GLRA2: variants seen among roughly 807,000 people sequenced by gnomAD.
The protein encoded by GLRA2 is glycine receptor alpha 2.
Under a neutral mutation model 31.6 loss-of-function variants are expected in GLRA2, and 11 were observed. The observed-to-expected ratio is 0.35, with a 90% confidence interval of 0.22 to 0.58. The LOEUF (loss-of-function observed/expected upper bound fraction) is 0.58. GLRA2 is among the 20% of genes least tolerant of loss of function. GLRA2 has a pLI of 0.84. For missense variants in GLRA2, 212 were observed against 351.8 expected, an observed-to-expected ratio of 0.60 and a Z score of 3.18; for synonymous variants, 132 against 134.0, an observed-to-expected ratio of 0.99 and a Z score of 0.10.
intron 3 of GLRA2, among the ~76,000 whole-genome samples, chrX:14,580,187 A>G (rs1185653613): frequency 4.5e-5 from 5 of 112,098 alleles, no homozygotes; most frequent in African/African-American, 1.6e-4. Context: ...AACGTAAACA[A>G]TGACCAAAAA....
chrX:14,576,544 T>G (rs1475265030), intron 3 of GLRA2, among the ~76,000 whole-genome samples: 4 of 111,993 alleles, frequency 3.6e-5, no homozygotes, highest in Admixed American at 1.9e-4. Flanking sequence ...CTGATTGCAT[T>G]AATTAGATTC....
the GLRA2 span, among the ~76,000 whole-genome samples, chrX:14,463,940 C>T: frequency 8.9e-6 from 1 of 111,836 alleles, no homozygotes; most frequent in South Asian, 3.8e-4. Flanking sequence ...AGAAATCACC[C>T]GTCTTCTGCA....
intron 2 of GLRA2, among the ~76,000 whole-genome samples, chrX:14,560,182 A>G (rs2147040232): frequency 8.9e-6 from 1 of 112,658 alleles, no homozygotes; most frequent in East Asian, 2.8e-4. Context: ...ATTTCTGTAT[A>G]TGTCAAGCCC....
the GLRA2 span, among the ~76,000 whole-genome samples, chrX:14,469,921 A>T: frequency 2.7e-5 from 3 of 111,647 alleles, no homozygotes; most frequent in Non-Finnish European, 3.8e-5. Flanking sequence ...CAGCTTTAAA[A>T]AGCAACGTTT....
intron 8 of GLRA2, among the ~76,000 whole-genome samples, chrX:14,697,480 A>C (rs191924175): frequency 9.4e-6 from 1 of 106,203 alleles, no homozygotes; most frequent in African/African-American, 3.9e-5. Context: ...AAATAATAAT[A>C]ATCACTACTA....
intron 8 of GLRA2, among the ~76,000 whole-genome samples, chrX:14,704,499 A>G (rs1170941913): frequency 8.9e-6 from 1 of 112,458 alleles, no homozygotes; most frequent in Non-Finnish European, 1.9e-5. Context: ...CTTCCTTGGC[A>G]TTACATCAGA....
At chrX:14,459,359 C>T in the GLRA2 span, among the ~76,000 whole-genome samples, 2 of 110,854 alleles carry the variant, frequency 1.8e-5, no homozygotes, top group African/African-American at 6.6e-5. Flanking sequence ...AATGAGGGCT[C>T]TTTTTTGGTT....
chrX:14,632,851 G>C (rs1174766643), intron 7 of GLRA2, among the ~76,000 whole-genome samples: 1 of 111,266 alleles, frequency 9.0e-6, no homozygotes, highest in Non-Finnish European at 1.9e-5. Flanking sequence ...TACTGTATTA[G>C]GTATTAAATA....
intron 4 of GLRA2, among the ~76,000 whole-genome samples, chrX:14,585,530 G>T (rs969960224): frequency 1.8e-5 from 2 of 111,531 alleles, no homozygotes; most frequent in Non-Finnish European, 3.8e-5. Context: ...CCAGCTGCAG[G>T]TTTGACTCAA....
chrX:14,693,968 A>C (rs2091403626), intron 8 of GLRA2, among the ~76,000 whole-genome samples: 1 of 112,132 alleles, frequency 8.9e-6, no homozygotes, highest in African/African-American at 3.2e-5. Context: ...ATATTTTATA[A>C]AGATGGAAAG....
chrX:14,677,268 T>C (rs902651455), intron 7 of GLRA2, among the ~76,000 whole-genome samples: 6 of 111,196 alleles, frequency 5.4e-5, no homozygotes, highest in South Asian at 3.7e-4. Flanking sequence ...TGAATTTATA[T>C]AGCACTTGGA....
chrX:14,708,947 GAA>G (rs1185979379), intron 8 of GLRA2, among the ~76,000 whole-genome samples: 1 of 102,503 alleles, frequency 9.8e-6, no homozygotes, highest in Admixed American at 1.0e-4. Context: ...CACACAAAAA[GAA>G]AAAAAAAAGA....
chrX:14,515,568 T>C, the GLRA2 span, among the ~76,000 whole-genome samples: 4 of 112,107 alleles, frequency 3.6e-5, no homozygotes, highest in Admixed American at 9.5e-5. Context: ...TTTGTCTCTG[T>C]CTGCTATTTT....
chrX:14,517,280 G>T, the GLRA2 span, among the ~76,000 whole-genome samples: 1 of 112,011 alleles, frequency 8.9e-6, no homozygotes, highest in African/African-American at 3.2e-5. Context: ...ATTTACTCTA[G>T]GTATTAATTA....
At chrX:14,520,524 T>C in the GLRA2 span, among the ~76,000 whole-genome samples, 3 of 112,550 alleles carry the variant, frequency 2.7e-5, no homozygotes, top group African/African-American at 9.7e-5. Flanking sequence ...TTTCAAGCAT[T>C]TGACACATTT....
intron 7 of GLRA2, among the ~76,000 whole-genome samples, chrX:14,661,934 A>T (rs1290598897): frequency 9.1e-6 from 1 of 109,548 alleles, no homozygotes; most frequent in African/African-American, 3.3e-5. Context: ...CTAAGAATTA[A>T]GTATATTTTT....
chrX:14,507,292 A>C, the GLRA2 span, among the ~76,000 whole-genome samples: 1 of 112,442 alleles, frequency 8.9e-6, no homozygotes, highest in African/African-American at 3.2e-5. Flanking sequence ...ACCACTGATT[A>C]ATTTTATGAG....
At chrX:14,653,877 C>T (rs938112184) in intron 7 of GLRA2, among the ~76,000 whole-genome samples, 1 of 112,191 alleles carries the variant, frequency 8.9e-6, no homozygotes. Flanking sequence ...GTAATCCCAG[C>T]GAATTGGGAG....
chrX:14,519,761 T>G, the GLRA2 span, among the ~76,000 whole-genome samples: 1 of 111,928 alleles, frequency 8.9e-6, no homozygotes, highest in Non-Finnish European at 1.9e-5. Context: ...TCATAATATT[T>G]ATTTTCCTTA....
Sources: gnomAD v4.1 joint callset for allele counts (sites outside exome capture counted in the v4.1 genomes callset) on GRCh38, gnomAD v4.1.1 for gene constraint, MANE v1.5 for transcripts, NCBI Gene and HGNC (gene_info 2026-07-23, HGNC 2026-07-21) for gene names.